DNMT1: variants seen among roughly 807,000 people sequenced by gnomAD.
DNMT1 encodes the protein DNA methyltransferase 1.
In DNMT1, 24 loss-of-function variants were observed where a neutral mutation model predicts 205.3. That is an observed-to-expected ratio of 0.12 (90% CI 0.08 to 0.16). DNMT1 has a LOEUF of 0.16. DNMT1 is among the 10% of genes least tolerant of loss of function. The probability of loss-of-function intolerance (pLI) is 1.00; values close to 1 mark genes in which losing one functional copy is unlikely to be tolerated. For missense variants in DNMT1, 1,293 were observed against 2,177.7 expected (o/e 0.59, Z 8.09); for synonymous variants, 817 against 839.8 (o/e 0.97, Z 0.47).
chr19:10,134,331 G>A (rs1395056497), intron 39 of DNMT1, 24 bp from the exon 40 acceptor site: 1 of 1,611,024 alleles, frequency 6.2e-7, no homozygotes, highest in South Asian at 1.1e-5. Flanking sequence ...GAAGGGCAAT[G>A]CCTGATGTGG....
intron 9 of DNMT1, among the ~76,000 whole-genome samples, chr19:10,171,073 G>A (rs2038806359): frequency 6.6e-6 from 1 of 152,000 alleles, no homozygotes; most frequent in South Asian, 2.1e-4. Context: ...CTCCCAAAAT[G>A]CTAGAATTAC....
At chr19:10,186,465 A>C (rs1293689064) in intron 1 of DNMT1, among the ~76,000 whole-genome samples, 1 of 152,130 alleles carries the variant, frequency 6.6e-6, no homozygotes, top group African/African-American at 2.4e-5. Context: ...ATGCCGGCTT[A>C]GTGCCCAGCC....
Position 10,154,311 on chromosome 19 carries a change from C to T in DNMT1, c.2001G>A (p.Arg667=). The change falls in exon 22 of 41, where the codon CGG becomes CGA. Residue 667 remains arginine, a synonymous_variant. Coordinates refer to ENST00000359526, the MANE Select transcript of DNMT1 (RefSeq NM_001130823.3). The surrounding 1 kb of genome is among the most constrained non-coding windows in gnomAD (Gnocchi z 6.3). ...REDKENAFKR[R]RCGVCEVCQQ... ...AGGTTACCTCACAGACGCCACATCGCCGGCGCTTAAAGGCGTTCTCCTTGT... is the reference window on the plus strand; with the variant it reads ...AGGTTACCTCACAGACGCCACATCGTCGGCGCTTAAAGGCGTTCTCCTTGT... The T allele has an allele frequency of 2.5e-6, 4 of 1,614,144 alleles. No homozygotes were observed. The highest frequency in any genetic ancestry group is 3.4e-6 in the Non-Finnish European group (4 of 1,179,984).
In DNMT1 at chr19:10,154,461, C is replaced by T. The variant is rs2038412848; in HGVS notation, c.1851G>A (p.Arg617=). 6.2e-7 allele frequency: 1 copy of T among 1,614,104 alleles called. No homozygotes were observed. The highest frequency in any genetic ancestry group is 2.2e-5 in the East Asian group (1 of 44,894). ...CCCTGGTAGAATGCCTGATGGTCTG[C>T]CGCCTCGCCTGGGCTCGCCTACGGG... ...TLGQRRAQAR[R]QTIRHSTREK... Residue 617 remains arginine (R), a synonymous_variant, in exon 22 of 41, where the codon CGG becomes CGA. Transcript: ENST00000359526. The surrounding 1 kb of genome is among the most constrained non-coding windows in gnomAD (Gnocchi z 6.3).
intron 9 of DNMT1, among the ~76,000 whole-genome samples, chr19:10,170,371 G>C (rs538286551): frequency 9.9e-5 from 15 of 152,070 alleles, no homozygotes; most frequent in Non-Finnish European, 1.8e-4. Context: ...GGATGCAGTG[G>C]CTCACGCCTG....
chr19:10,191,955 G>A (rs1252096828), intron 1 of DNMT1, among the ~76,000 whole-genome samples: 1 of 151,958 alleles, frequency 6.6e-6, no homozygotes, highest in Non-Finnish European at 1.5e-5. Context: ...CCGAGTAGCT[G>A]CGATTACAGG....
intron 37 of DNMT1, among the ~76,000 whole-genome samples, chr19:10,136,586 A>C (rs1266223085): frequency 6.6e-6 from 1 of 151,618 alleles, no homozygotes; most frequent in Non-Finnish European, 1.5e-5. Flanking sequence ...TAGGCGTGCG[A>C]CACCACGCCC....
chr19:10,144,189 C>G, intron 28 of DNMT1: 5 of 615,356 alleles, frequency 8.1e-6, no homozygotes, highest in Non-Finnish European at 1.5e-5. Flanking sequence ...GCAGGTGGAC[C>G]ACAAGGTCAG....
chr19:10,192,340 A>C (rs562746822), intron 1 of DNMT1, among the ~76,000 whole-genome samples: 3 of 152,230 alleles, frequency 2.0e-5, no homozygotes, highest in Admixed American at 2.0e-4. Context: ...GTGAACCTTT[A>C]TGTGCCATGC....
Position 10,182,218 on chromosome 19 carries a change from G to T in DNMT1, c.81-141C>A, listed in dbSNP as rs532976919. On this transcript the variant is annotated intron_variant, in intron 1 of 40. Coordinates refer to ENST00000359526, the MANE Select transcript of DNMT1 (RefSeq NM_001130823.3). ...GTTAGAAAAAACTAAGCTGGCTTTT[G>T]TCTCCCCGCAAGAGTCTAGAGTGTC... 3,003 of 824,178 alleles carry T rather than the reference G, an allele frequency of 3.6e-3. 14 individuals carry two copies. Among genetic ancestry groups the T allele is most frequent in the Non-Finnish European group, 5.1e-3 (2,544 of 494,946 alleles). 51.1% of individuals were successfully genotyped at this position (824,178 alleles called of 1,614,324 possible). A position where few individuals can be genotyped will look rare whatever the true frequency, so the allele number is the denominator to read the frequency against.
At chr19:10,171,993 CGGGAGACT>C (rs2038829026) in intron 9 of DNMT1, among the ~76,000 whole-genome samples, 2 of 149,492 alleles carry the variant, frequency 1.3e-5, no homozygotes, top group Admixed American at 1.3e-4. Context: ...GGTGATAGAG[CGGGAGACT>C]GTCTCAAAAA....
intron 6 of DNMT1, among the ~76,000 whole-genome samples, chr19:10,176,998 T>C (rs1338977388): frequency 1.3e-5 from 2 of 152,046 alleles, no homozygotes; most frequent in Non-Finnish European, 2.9e-5. Flanking sequence ...GGACACACAA[T>C]ATGGGGGTAT....
At chr19:10,185,564 T>C in intron 1 of DNMT1, among the ~76,000 whole-genome samples, 1 of 151,834 alleles carries the variant, frequency 6.6e-6, no homozygotes, top group Non-Finnish European at 1.5e-5. Context: ...CAGTGGCTCA[T>C]GCCTGTAATC....
intron 29 of DNMT1, 62 bp downstream of exon 29, chr19:10,143,704 T>C (rs2089646055): frequency 2.5e-6 from 4 of 1,590,206 alleles, no homozygotes; most frequent in Non-Finnish European, 3.5e-6. Context: ...CACAACCTTG[T>C]TTCAGGCAGA....
At position 10,159,820 on chromosome 19, in the gene DNMT1, C is replaced by T; in HGVS notation, c.1170+22G>A. 1 of 1,614,194 alleles carries T rather than the reference C, an allele frequency of 6.2e-7. No homozygotes were observed. On this transcript the variant is annotated intron_variant, in intron 16 of 40. Coordinates refer to ENST00000359526, the MANE Select transcript of DNMT1 (RefSeq NM_001130823.3). This position sits in a 1 kb window ranked among gnomAD's most constrained non-coding sequence, Gnocchi z 5.0. ...GGGACAAGGGACAGGCAGAGGAAGG[C>T]TGGGAAGAGAGCTGTACGTACCGCG...
intron 11 of DNMT1, 71 bp from the exon 12 acceptor site, chr19:10,163,431 T>C (rs1317348865): frequency 1.3e-6 from 2 of 1,513,736 alleles, no homozygotes; most frequent in Non-Finnish European, 1.8e-6. Context: ...CAGAGTGAGA[T>C]AAAATGCAAA....
rs376184130 is a variant in DNMT1 at position 10,137,328 on chromosome 19, C to T, written c.4294-48G>A. ...GCTGTCACCTCATGTGAGCAGCATC[C>T]GAGCATCCATGGTGGGCTGGGAGCT... On this transcript the variant is annotated intron_variant, in intron 36 of 40. Transcript: ENST00000359526. The surrounding 1 kb of genome is among the most constrained non-coding windows in gnomAD (Gnocchi z 6.4). The T allele has an allele frequency of 1.6e-4, 247 of 1,561,468 alleles. 1 individual carries two copies. Among genetic ancestry groups the T allele is most frequent in the Non-Finnish European group, 2.0e-4 (231 of 1,154,914 alleles).
At chr19:10,141,981 G>A in intron 30 of DNMT1, 47 bp downstream of exon 30, 2 of 1,604,680 alleles carry the variant, frequency 1.2e-6, no homozygotes, top group Non-Finnish European at 1.7e-6. Context: ...ACTCCTTCTG[G>A]CCAACTTTGA....
intron 11 of DNMT1, among the ~76,000 whole-genome samples, chr19:10,165,241 A>G (rs2038664490): frequency 6.6e-6 from 1 of 152,150 alleles, no homozygotes; most frequent in Admixed American, 6.6e-5. Flanking sequence ...ACTGCATTCC[A>G]GCCTGGGTGA....
Sources: gnomAD v4.1 joint callset for allele counts (sites outside exome capture counted in the v4.1 genomes callset) on GRCh38, gnomAD v4.1.1 for gene constraint, Gnocchi (gnomAD v3.1) non-coding constraint, MANE v1.5 for transcripts, NCBI Gene and HGNC (gene_info 2026-07-23, HGNC 2026-07-21) for gene names.